The following CAMK1D variants were observed in gnomAD, a reference collection of about 807,000 sequenced individuals.
CAMK1D encodes calcium/calmodulin dependent protein kinase ID.
In CAMK1D, 9 loss-of-function variants were observed where a neutral mutation model predicts 47.7. That is an observed-to-expected ratio of 0.19 (90% CI 0.11 to 0.33). The LOEUF (loss-of-function observed/expected upper bound fraction) is 0.33. Ranked by LOEUF, CAMK1D falls within the 10% of genes least tolerant of loss-of-function variation. CAMK1D has a pLI of 1.00. For synonymous variants in CAMK1D, 184 were observed against 184.9 expected, an observed-to-expected ratio of 0.99 and a Z score of 0.04; for missense variants, 291 against 488.7, an observed-to-expected ratio of 0.60 and a Z score of 3.81.
In CAMK1D at chr10:12,548,447, CTTT is replaced by C. The variant is rs35061502; in HGVS notation, c.93-4758_93-4756del. ...ATAACATAAACTTTACCATTTTAAGCTTTTTTTTTTTTTTTTTTTTTTGCTGGG... is the reference window on the plus strand; with the variant it reads ...ATAACATAAACTTTACCATTTTAAGCTTTTTTTTTTTTTTTTTTTGCTGGG... On this transcript the variant is annotated intron_variant, in intron 1 of 10. Transcript: ENST00000619168. Among the ~76,000 whole-genome samples the C allele has an allele frequency of 1.3e-3, 109 of 81,196 alleles. 1 individual carries two copies. The East Asian group carries it at 0.031, about 23-fold the overall frequency. 53.3% of individuals were successfully genotyped at this position (81,196 alleles called of 152,430 possible).
chr10:12,399,013 C>T (rs1243507146), intron 1 of CAMK1D, among the ~76,000 whole-genome samples: 1 of 152,190 alleles, frequency 6.6e-6, no homozygotes, highest in African/African-American at 2.4e-5. Context: ...ATTCTGCCTG[C>T]ATCACAGTTG....
intron 1 of CAMK1D, among the ~76,000 whole-genome samples, chr10:12,439,768 C>T (rs183743541): frequency 1.0e-3 from 157 of 152,304 alleles, no homozygotes; most frequent in African/African-American, 3.5e-3. Context: ...TCCGTTTTCA[C>T]GCTGCTGATG....
At chr10:12,408,041 A>G (rs549833733) in intron 1 of CAMK1D, among the ~76,000 whole-genome samples, 94 of 152,082 alleles carry the variant, frequency 6.2e-4, no homozygotes, top group Non-Finnish European at 1.1e-3. Flanking sequence ...TATTTTTAGT[A>G]GAGACGGTGT....
chr10:12,512,417 A>T (rs1370232572), intron 1 of CAMK1D, among the ~76,000 whole-genome samples: 5 of 152,108 alleles, frequency 3.3e-5, no homozygotes, highest in Admixed American at 3.3e-4. Context: ...TTTTTTTGAG[A>T]TGGAGCCCTG....
At chr10:12,613,192 G>A (rs1838682528) in intron 2 of CAMK1D, among the ~76,000 whole-genome samples, 1 of 152,140 alleles carries the variant, frequency 6.6e-6, no homozygotes, top group Non-Finnish European at 1.5e-5. Flanking sequence ...TTTAAAAAAA[G>A]AAAGCTCTTT....
chr10:12,785,558 C>G (rs527626933), intron 5 of CAMK1D, among the ~76,000 whole-genome samples: 1 of 152,156 alleles, frequency 6.6e-6, no homozygotes, highest in Admixed American at 6.5e-5. Flanking sequence ...ACTGTGGCTG[C>G]ATAGTTCAGA....
At chr10:12,437,078 A>G (rs1211228922) in intron 1 of CAMK1D, among the ~76,000 whole-genome samples, 2 of 150,640 alleles carry the variant, frequency 1.3e-5, no homozygotes, top group African/African-American at 4.9e-5. Flanking sequence ...GTGAAATGGC[A>G]TCTACTAGGG....
At chr10:12,362,211 A>C (rs1006510686) in intron 1 of CAMK1D, among the ~76,000 whole-genome samples, 1 of 152,070 alleles carries the variant, frequency 6.6e-6, no homozygotes, top group Non-Finnish European at 1.5e-5. Context: ...ATCTTCCCAC[A>C]TTGAACCTCC....
At chr10:12,741,830 G>A (rs1044708818) in intron 3 of CAMK1D, among the ~76,000 whole-genome samples, 7 of 152,200 alleles carry the variant, frequency 4.6e-5, no homozygotes, top group Admixed American at 6.5e-5. Flanking sequence ...AACTGAGACG[G>A]CCCTGCAGGG....
chr10:12,422,278 G>T (rs765561083), intron 1 of CAMK1D, among the ~76,000 whole-genome samples: 2 of 152,326 alleles, frequency 1.3e-5, no homozygotes, highest in Middle Eastern at 3.4e-3. Context: ...AAGTCTGGTG[G>T]TGACGACTAT....
chr10:12,436,844 C>T (rs527917846), intron 1 of CAMK1D, among the ~76,000 whole-genome samples: 45 of 152,222 alleles, frequency 3.0e-4, no homozygotes, highest in African/African-American at 1.1e-3. Context: ...CAAGACCACC[C>T]CCAGGTTTGA....
At chr10:12,645,598 C>T (rs186928100) in intron 2 of CAMK1D, among the ~76,000 whole-genome samples, 5 of 152,282 alleles carry the variant, frequency 3.3e-5, no homozygotes, top group African/African-American at 4.8e-5. Flanking sequence ...AGATGGCTGC[C>T]GGTGACGTCC....
At chr10:12,368,569 T>C (rs997314736) in intron 1 of CAMK1D, among the ~76,000 whole-genome samples, 7 of 152,056 alleles carry the variant, frequency 4.6e-5, no homozygotes, top group Admixed American at 4.6e-4. Context: ...CACATTTAAG[T>C]GGGGGTAACA....
At chr10:12,376,850 T>C (rs981547832) in intron 1 of CAMK1D, among the ~76,000 whole-genome samples, 5 of 151,410 alleles carry the variant, frequency 3.3e-5, no homozygotes, top group Non-Finnish European at 5.9e-5. Flanking sequence ...ACCCTCTGCC[T>C]CCTAGGTTCA....
chr10:12,692,186 T>C (rs1362229484), intron 3 of CAMK1D, among the ~76,000 whole-genome samples: 3 of 152,240 alleles, frequency 2.0e-5, no homozygotes, highest in African/African-American at 7.2e-5. Context: ...GGCGCCTTCA[T>C]AGTTGATTTC....
At chr10:12,504,644 G>A (rs566212010) in intron 1 of CAMK1D, among the ~76,000 whole-genome samples, 109 of 152,282 alleles carry the variant, frequency 7.2e-4, no homozygotes, top group African/African-American at 2.2e-3. Context: ...ACCCGGTTAG[G>A]TTGACATGAA....
intron 2 of CAMK1D, among the ~76,000 whole-genome samples, chr10:12,599,734 G>A (rs1838247275): frequency 6.6e-6 from 1 of 152,168 alleles, no homozygotes; most frequent in Admixed American, 6.5e-5. Flanking sequence ...GGGTCATAGT[G>A]CATCGGTATT....
chr10:12,521,048 C>G (rs11528712), intron 1 of CAMK1D, among the ~76,000 whole-genome samples: 4 of 150,736 alleles, frequency 2.7e-5, no homozygotes, highest in Admixed American at 6.7e-5. Flanking sequence ...TATCAGTTTT[C>G]TATATCTTTT....
intron 2 of CAMK1D, among the ~76,000 whole-genome samples, chr10:12,621,746 T>C (rs886532032): frequency 5.3e-5 from 8 of 152,050 alleles, no homozygotes; most frequent in Non-Finnish European, 1.2e-4. Context: ...TCAGTGGACT[T>C]TTGCAAATTG....
Sources: allele counts gnomAD v4.1 joint callset (sites outside exome capture counted in the v4.1 genomes callset), GRCh38; gene constraint gnomAD v4.1.1; transcripts MANE v1.5; gene names NCBI Gene and HGNC (gene_info 2026-07-23, HGNC 2026-07-21).